PACSIN1: variants seen among roughly 807,000 people sequenced by gnomAD.
PACSIN1 encodes protein kinase C and casein kinase substrate in neurons 1, also known as protein kinase C and casein kinase substrate in neurons protein 1.
Under a neutral mutation model 59.5 loss-of-function variants are expected in PACSIN1, and 15 were observed. That is an observed-to-expected ratio of 0.25 (90% confidence interval 0.17 to 0.39). The LOEUF is 0.39. Ranked by LOEUF, PACSIN1 falls within the 10% of genes least tolerant of loss-of-function variation. The probability of loss-of-function intolerance (pLI) is 1.00; values close to 1 mark genes in which losing one functional copy is unlikely to be tolerated. For missense variants in PACSIN1, 420 were observed against 580.2 expected (o/e 0.72, Z 2.84); for synonymous variants, 210 against 220.6 (o/e 0.95, Z 0.42).
At position 34,529,880 on chromosome 6, in the gene PACSIN1, C is replaced by A. The variant is rs1767559564; in HGVS notation, c.788+39C>A. On this transcript the variant is annotated intron_variant, in intron 6 of 9. Transcript: ENST00000244458. The surrounding 1 kb of genome is among the most constrained non-coding windows in gnomAD (Gnocchi z 6.3). ...GCAGGCACCGAGGGCACAGGCACAG[C>A]CAGCAGATGGTGTGACTGGCATGCA... is the stretch of plus-strand genomic sequence containing the variant. 1.3e-6 allele frequency: 2 copies of A among 1,595,474 alleles called. No homozygotes were observed. The highest frequency in any genetic ancestry group is 1.7e-6 in the Non-Finnish European group (2 of 1,169,342).
chr6:34,509,466 C>T (rs150675505), intron 1 of PACSIN1, among the ~76,000 whole-genome samples: 215 of 152,286 alleles, frequency 1.4e-3, no homozygotes, highest in Non-Finnish European at 2.6e-3. Context: ...GTTTTAATTA[C>T]TGCAACTTAG....
In PACSIN1 at chr6:34,530,233, C is replaced by T; in HGVS notation, c.789-10C>T. On this transcript the variant is annotated splice_polypyrimidine_tract_variant and intron_variant, in intron 6 of 9. Transcript: ENST00000244458. The surrounding 1 kb of genome is among the most constrained non-coding windows in gnomAD (Gnocchi z 4.4). ...TGTGCCCTCCACCTCCCCCATCTCC[C>T]TGAGCACAGCTACATCCATGTGTAC... 1 of 1,606,766 alleles carries T rather than the reference C, an allele frequency of 6.2e-7. No homozygotes were observed. The highest frequency in any genetic ancestry group is 2.2e-5 in the East Asian group (1 of 44,714).
chr6:34,505,457 A>T (rs768224312), intron 1 of PACSIN1, among the ~76,000 whole-genome samples: 2 of 145,152 alleles, frequency 1.4e-5, no homozygotes, highest in Non-Finnish European at 3.0e-5. Context: ...TTCCTCTTGG[A>T]CTCTAAAAAC....
At chr6:34,496,904 AAT>A (rs374111001) in intron 1 of PACSIN1, among the ~76,000 whole-genome samples, 5,660 of 151,244 alleles carry the variant, frequency 0.037, 147 homozygotes, top group Non-Finnish European at 0.059. Flanking sequence ...TTAAAAAAAA[AAT>A]AGAGATAATG....
At chr6:34,485,333 T>C (rs574058872) in intron 1 of PACSIN1, among the ~76,000 whole-genome samples, 92 of 150,146 alleles carry the variant, frequency 6.1e-4, no homozygotes, top group African/African-American at 1.9e-3. Flanking sequence ...CAGTAGGGGG[T>C]GAGGGTGGAA....
intron 1 of PACSIN1, among the ~76,000 whole-genome samples, chr6:34,502,726 A>G (rs1767043685): frequency 6.6e-6 from 1 of 152,100 alleles, no homozygotes; most frequent in Non-Finnish European, 1.5e-5. Flanking sequence ...TCGGCCTCCC[A>G]AAGTGCTGGG....
At chr6:34,478,626 C>T (rs7766502) in intron 1 of PACSIN1, among the ~76,000 whole-genome samples, 2,030 of 152,214 alleles carry the variant, frequency 0.013, 39 homozygotes, top group African/African-American at 0.046. Context: ...CTGCCTCGGC[C>T]TCCCGAAGTG....
At chr6:34,483,240 A>G (rs1442625921) in intron 1 of PACSIN1, among the ~76,000 whole-genome samples, 1 of 152,118 alleles carries the variant, frequency 6.6e-6, no homozygotes, top group African/African-American at 2.4e-5. Flanking sequence ...TCCTGGGCTC[A>G]AGTGATCTGC....
At chr6:34,487,107 G>T (rs1224007712) in intron 1 of PACSIN1, among the ~76,000 whole-genome samples, 1 of 152,090 alleles carries the variant, frequency 6.6e-6, no homozygotes, top group Non-Finnish European at 1.5e-5. Context: ...GGAGGTTGAG[G>T]CTGCAGTGAG....
chr6:34,474,314 A>AT lies in PACSIN1; in HGVS notation c.-64+8046dup, dbSNP rs557213448. Among the ~76,000 whole-genome samples, 431 of 152,108 alleles carry AT rather than the reference A, an allele frequency of 2.8e-3. 4 individuals carry two copies. The highest frequency in any genetic ancestry group is 9.6e-3 in the African/African-American group (399 of 41,468). On this transcript the variant is annotated intron_variant, in intron 1 of 9. Transcript: ENST00000244458. ...AATCCACCCACTTCTTGTCACCTCCATTGCTGCCTTCCCTTCTGAGCCTCC... is the reference window on the plus strand; with the variant it reads ...AATCCACCCACTTCTTGTCACCTCCATTTGCTGCCTTCCCTTCTGAGCCTCC...
rs145949681 is a variant in PACSIN1, at chr6:34,521,335, C to A, written c.-63-4908C>A. On this transcript the variant is annotated intron_variant, in intron 1 of 9. Coordinates refer to ENST00000244458, the MANE Select transcript of PACSIN1 (RefSeq NM_020804.5). The surrounding 1 kb of genome is among the most constrained non-coding windows in gnomAD (Gnocchi z 4.3). Reference sequence around the variant, plus strand: ...GTGACCACTGAGGTAGGAATCCACACGGCGCCTTGGTCCACACGAGGCCTG... The same window carrying A: ...GTGACCACTGAGGTAGGAATCCACAAGGCGCCTTGGTCCACACGAGGCCTG... Among the ~76,000 whole-genome samples the A allele has an allele frequency of 1.3e-5, 2 of 152,152 alleles. No homozygotes were observed. Among genetic ancestry groups the A allele is most frequent in the African/African-American group, 2.4e-5 (1 of 41,430 alleles).
chr6:34,512,322 T>C (rs1055593817), intron 1 of PACSIN1, among the ~76,000 whole-genome samples: 25 of 96,132 alleles, frequency 2.6e-4, no homozygotes, highest in East Asian at 3.4e-4. Context: ...GGGGTCTGCC[T>C]GGCAGCAGAT....
intron 1 of PACSIN1, among the ~76,000 whole-genome samples, chr6:34,508,213 C>T (rs1370416720): frequency 6.6e-6 from 1 of 152,180 alleles, no homozygotes. Context: ...AAGCAATTCT[C>T]CTGCCTCAGC....
In PACSIN1 at chr6:34,526,296, C is replaced by T. The variant is rs192086869; in HGVS notation, c.-10C>T. On this transcript the variant is annotated 5_prime_UTR_variant, in exon 2 of 10. Coordinates refer to ENST00000244458, the MANE Select transcript of PACSIN1 (RefSeq NM_020804.5). ...AGCTCCGCACTTGTCCATCCCCCTG[C>T]GGCTACACCATGTCCAGCTCCTACG... is the stretch of plus-strand genomic sequence containing the variant. The T allele has an allele frequency of 5.0e-6, 8 of 1,610,706 alleles. No individual in the cohort carries two copies. In the African/African-American group the frequency reaches 5.3e-5, roughly 11 times the overall value.
At position 34,525,653 on chromosome 6, in the gene PACSIN1, T is replaced by C. The variant is rs1195605130; in HGVS notation, c.-63-590T>C. On this transcript the variant is annotated intron_variant, in intron 1 of 9. Transcript: ENST00000244458. The surrounding 1 kb of genome is among the most constrained non-coding windows in gnomAD (Gnocchi z 4.9). ...GCCTGGGGTAACAGTGAGGCCTGGC[T>C]GGGGGAAGGGAGGAGGGGAGTACCC... Among the ~76,000 whole-genome samples the C allele has an allele frequency of 6.6e-6, 1 of 152,148 alleles. No homozygotes were observed. The highest frequency in any genetic ancestry group is 1.9e-4 in the East Asian group (1 of 5,180).
At chr6:34,490,226 C>CTTTTTTTTT (rs56754772) in intron 1 of PACSIN1, among the ~76,000 whole-genome samples, 2 of 102,716 alleles carry the variant, frequency 1.9e-5, no homozygotes, top group African/African-American at 4.1e-5. Context: ...AATTTAAAAA[C>CTTTTTTTTT]TTTTTTTTTT....
At chr6:34,528,551 A>T in intron 3 of PACSIN1, 91 bp from the exon 4 acceptor site, 2 of 934,542 alleles carry the variant, frequency 2.1e-6, no homozygotes, top group Admixed American at 3.5e-5. Context: ...TTGCTATGAG[A>T]GGAAAGGGAA....
chr6:34,497,249 A>G (rs1228683552), intron 1 of PACSIN1, among the ~76,000 whole-genome samples: 3 of 152,058 alleles, frequency 2.0e-5, no homozygotes, highest in East Asian at 1.9e-4. Flanking sequence ...CGCCCAGCCA[A>G]TGGTGTGCAT....
chr6:34,480,355 G>T (rs1382670409), intron 1 of PACSIN1, among the ~76,000 whole-genome samples: 4 of 151,498 alleles, frequency 2.6e-5, no homozygotes, highest in African/African-American at 7.3e-5. Flanking sequence ...CTCTCGAGTG[G>T]CTGGGACCAC....
Sources: allele counts gnomAD v4.1 joint callset (sites outside exome capture counted in the v4.1 genomes callset), GRCh38; gene constraint gnomAD v4.1.1; non-coding constraint Gnocchi (gnomAD v3.1); transcripts MANE v1.5; gene names NCBI Gene and HGNC (gene_info 2026-07-23, HGNC 2026-07-21).